The following GLUD1 variants were observed in gnomAD, a reference collection of about 807,000 sequenced individuals.
GLUD1 encodes glutamate dehydrogenase 1.
A neutral mutation model predicts 56.0 loss-of-function variants in GLUD1; 22 were observed. The observed-to-expected ratio is 0.39, with a 90% CI of 0.28 to 0.56. GLUD1 has a LOEUF of 0.56. Among genes scored for constraint, GLUD1 ranks in the 20% least tolerant of loss-of-function variants. The pLI is 0.58. For missense variants in GLUD1, 451 were observed against 732.0 expected (o/e 0.62, Z 4.43); for synonymous variants, 223 against 269.9 (o/e 0.83, Z 1.70).
rs1453893542 is a variant in GLUD1 at position 87,076,564 on chromosome 10, G to A, written c.526+12C>T. ...GAGTTCTCATTAGGCAGCAAGAAAG[G>A]CGATCACTTACCAACCACTGCACAC... On this transcript the variant is annotated intron_variant, in intron 2 of 12. Transcript: ENST00000277865. 1.4e-5 allele frequency: 21 copies of A among 1,522,944 alleles called. No individual in the cohort carries two copies. The highest frequency in any genetic ancestry group is 1.8e-5 in the Non-Finnish European group (20 of 1,096,902). The allele number at this position is 1,522,944 out of a possible 1,614,324, so 94.3% of individuals were successfully genotyped here. A position where few individuals can be genotyped will look rare whatever the true frequency, so the allele number is the denominator to read the frequency against.
Position 87,094,284 on chromosome 10 carries a change from G to C in GLUD1, c.445+41C>G. ...AGGAGGCCGGAGGGGAGGGCCGCAGGGGAGGCAGGGAGGGCGGGACGGGGC... is the reference window on the plus strand; with the variant it reads ...AGGAGGCCGGAGGGGAGGGCCGCAGCGGAGGCAGGGAGGGCGGGACGGGGC... On this transcript the variant is annotated intron_variant, in intron 1 of 12. Coordinates refer to ENST00000277865, the MANE Select transcript of GLUD1 (RefSeq NM_005271.5). This position sits in a 1 kb window ranked among gnomAD's most constrained non-coding sequence, Gnocchi z 6.6. 1 of 1,561,474 alleles carries C rather than the reference G, an allele frequency of 6.4e-7. No individual in the cohort carries two copies.
At position 87,068,260 on chromosome 10, in the gene GLUD1, T is replaced by C. The variant is rs1445066042; in HGVS notation, c.647-103A>G. The C allele has an allele frequency of 4.1e-6, 3 of 723,560 alleles. No individual in the cohort carries two copies. In the African/African-American group the frequency reaches 5.2e-5, roughly 13 times the overall value. The allele number at this position is 723,560 out of a possible 1,614,324, so 44.8% of individuals were successfully genotyped here. On this transcript the variant is annotated intron_variant, in intron 4 of 12. Coordinates refer to ENST00000277865, the MANE Select transcript of GLUD1 (RefSeq NM_005271.5). The stretch of plus-strand genomic sequence containing the variant: ...TCTGTAATAACCAAGTTACCATGGC[T>C]AGAAAACTTTAGATCTCATTTAGGT...
chr10:87,062,069 A>C (rs1351249412), intron 6 of GLUD1, among the ~76,000 whole-genome samples: 2 of 152,134 alleles, frequency 1.3e-5, no homozygotes, highest in East Asian at 3.9e-4. Context: ...GGCGTGAGCC[A>C]CCACGCCCGG....
At chr10:87,053,549 A>G (rs1845693476) in intron 11 of GLUD1, 145 bp from the exon 12 acceptor site, 1 of 696,500 alleles carries the variant, frequency 1.4e-6, no homozygotes, top group East Asian at 2.7e-5. Context: ...TCTGCACAGT[A>G]TCAAAGATAC....
chr10:87,060,576 T>C, intron 8 of GLUD1, 112 bp downstream of exon 8: 2 of 1,262,000 alleles, frequency 1.6e-6, no homozygotes, highest in Non-Finnish European at 2.3e-6. Context: ...ATGTGCAGTA[T>C]GTGCCAATAA....
chr10:87,061,893 C>T (rs1845946314), intron 6 of GLUD1, among the ~76,000 whole-genome samples: 1 of 152,190 alleles, frequency 6.6e-6, no homozygotes, highest in South Asian at 2.1e-4. Context: ...AAGTGATTCT[C>T]CTGCGTCAGC....
intron 1 of GLUD1, chr10:87,092,612 T>C (rs1371398150): frequency 8.1e-6 from 8 of 982,204 alleles, no homozygotes. Context: ...CTTCAGTGAG[T>C]TTGCGGAGCT....
intron 5 of GLUD1, among the ~76,000 whole-genome samples, chr10:87,066,724 C>T (rs1179123675): frequency 6.6e-6 from 1 of 152,264 alleles, no homozygotes; most frequent in Non-Finnish European, 1.5e-5. Flanking sequence ...AAAACAACTT[C>T]TAGCAATTTA....
intron 1 of GLUD1, among the ~76,000 whole-genome samples, chr10:87,082,563 C>T (rs964810161): frequency 3.9e-5 from 6 of 152,144 alleles, no homozygotes; most frequent in African/African-American, 1.4e-4. Flanking sequence ...GTGGAAGAAG[C>T]CCCAGAGCCA....
chr10:87,090,208 G>T (rs1346636922), intron 1 of GLUD1, among the ~76,000 whole-genome samples: 1 of 152,072 alleles, frequency 6.6e-6, no homozygotes, highest in Non-Finnish European at 1.5e-5. Flanking sequence ...AATAAAAACC[G>T]ATTTTCCTAA....
intron 1 of GLUD1, among the ~76,000 whole-genome samples, chr10:87,090,683 C>G (rs1841491679): frequency 6.6e-6 from 1 of 152,218 alleles, no homozygotes; most frequent in Non-Finnish European, 1.5e-5. Flanking sequence ...TACCTATCCT[C>G]TGACTGAACT....
chr10:87,073,250 C>G (rs185468744), intron 4 of GLUD1, among the ~76,000 whole-genome samples: 8 of 152,146 alleles, frequency 5.3e-5, no homozygotes, highest in African/African-American at 1.9e-4. Flanking sequence ...GCAGCCTCAA[C>G]CCCCCAGGCT....
In GLUD1 at chr10:87,086,752, A is replaced by G. The variant is rs540765689; in HGVS notation, c.445+7573T>C. Among the ~76,000 whole-genome samples, 4 of 150,656 alleles carry G rather than the reference A, an allele frequency of 2.7e-5. No homozygotes were observed. The South Asian group carries it at 8.4e-4, about 32-fold the overall frequency. ...AGGCTGAGGCAGGAGAATGGCATCA[A>G]CCCAGGAGGCGGAGCTTGCAGTAAG... On this transcript the variant is annotated intron_variant, in intron 1 of 12. Coordinates refer to ENST00000277865, the MANE Select transcript of GLUD1 (RefSeq NM_005271.5).
chr10:87,056,601 T>G (rs1465953718), intron 11 of GLUD1, among the ~76,000 whole-genome samples: 4 of 152,122 alleles, frequency 2.6e-5, no homozygotes, highest in Admixed American at 2.6e-4. Context: ...GGCCTACACA[T>G]AGTTTCAATA....
rs527260735 is a variant in GLUD1 at position 87,052,665 on chromosome 10, G to T, written c.1557+677C>A. Among the ~76,000 whole-genome samples, 136 of 49,500 alleles carry T rather than the reference G, an allele frequency of 2.7e-3. 1 individual carries two copies. Among genetic ancestry groups the T allele is most frequent in the African/African-American group, 0.014 (122 of 8,676 alleles). 32.5% of individuals were successfully genotyped at this position (49,500 alleles called of 152,430 possible). ...AGCCTGGGCAACAGGGCAAAACTCC[G>T]TCTCAAAAAAAAAAAAAAAAAAAAA... On this transcript the variant is annotated intron_variant, in intron 12 of 12. Coordinates refer to ENST00000277865, the MANE Select transcript of GLUD1 (RefSeq NM_005271.5).
intron 4 of GLUD1, among the ~76,000 whole-genome samples, chr10:87,072,725 G>C (rs1188280371): frequency 6.6e-6 from 1 of 152,212 alleles, no homozygotes; most frequent in African/African-American, 2.4e-5. Context: ...TTAAGCTGGA[G>C]ATATTGCAGA....
chr10:87,054,528 A>G (rs1845716550), intron 11 of GLUD1, among the ~76,000 whole-genome samples: 1 of 152,186 alleles, frequency 6.6e-6, no homozygotes, highest in African/African-American at 2.4e-5. Context: ...CTGATAGGTC[A>G]AGCAAGATGA....
intron 1 of GLUD1, among the ~76,000 whole-genome samples, chr10:87,085,623 T>A (rs1292833686): frequency 6.6e-6 from 1 of 152,196 alleles, no homozygotes; most frequent in Non-Finnish European, 1.5e-5. Flanking sequence ...TATGTATGTA[T>A]TTCTATCAAA....
intron 1 of GLUD1, among the ~76,000 whole-genome samples, chr10:87,084,300 A>G (rs144851901): frequency 0.013 from 1,936 of 152,368 alleles, 45 homozygotes; most frequent in African/African-American, 0.045. Context: ...AGTGAAATGC[A>G]GACATCTGCA....
Sources: allele counts gnomAD v4.1 joint callset (sites outside exome capture counted in the v4.1 genomes callset), GRCh38; gene constraint gnomAD v4.1.1; non-coding constraint Gnocchi (gnomAD v3.1); transcripts MANE v1.5; gene names NCBI Gene and HGNC (gene_info 2026-07-23, HGNC 2026-07-21).